PACS1: variants seen among roughly 807,000 people sequenced by gnomAD.
PACS1 encodes the protein phosphofurin acidic cluster sorting protein 1.
A neutral mutation model predicts 115.0 loss-of-function variants in PACS1; 24 were observed. The observed-to-expected ratio is 0.21, with a 90% CI of 0.15 to 0.29. The LOEUF (loss-of-function observed/expected upper bound fraction) is 0.29. PACS1 is among the 10% of genes least tolerant of loss of function. The probability of loss-of-function intolerance (pLI) is 1.00; values close to 1 mark genes in which losing one functional copy is unlikely to be tolerated. For synonymous variants in PACS1, 453 were observed against 504.5 expected (o/e 0.90, Z 1.37); for missense variants, 838 against 1,251.2 (o/e 0.67, Z 4.98).
Position 66,242,942 on chromosome 11 carries a change from G to A in PACS1, c.2687G>A (p.Arg896Gln). 4 of 1,613,974 alleles carry A rather than the reference G, an allele frequency of 2.5e-6. No individual in the cohort carries two copies. The highest frequency in any genetic ancestry group is 3.4e-6 in the Non-Finnish European group (4 of 1,179,946). Residue 896 changes from arginine to glutamine, a missense_variant, in exon 23 of 24, where the codon CGA (arginine) becomes CAA (glutamine). Physicochemically the swap from Arg to Gln is conservative, Grantham distance 43 (BLOSUM62 1). Coordinates refer to ENST00000320580, the MANE Select transcript of PACS1 (RefSeq NM_018026.4). ...ACCATCTTCCTGAGCAAGAAACCCC[G>A]AGAAAAGGAGGTGGATTCTAAGAGC... ...VPTIFLSKKP[R>Q]EKEVDSKSQV...
intron 1 of PACS1, among the ~76,000 whole-genome samples, chr11:66,184,990 TGAG>T (rs1031917546): frequency 6.6e-6 from 1 of 152,088 alleles, no homozygotes; most frequent in African/African-American, 2.4e-5. Context: ...AGAAATGGCT[TGAG>T]GTGCAGGGAA....
chr11:66,148,128 A>T (rs1565124501), intron 1 of PACS1, among the ~76,000 whole-genome samples: 1 of 152,190 alleles, frequency 6.6e-6, no homozygotes, highest in Non-Finnish European at 1.5e-5. Context: ...GGCAGTAGCC[A>T]TTAAAAATGT....
At chr11:66,211,097 C>T in intron 3 of PACS1, 37 bp from the exon 4 acceptor site, 1 of 1,610,492 alleles carries the variant, frequency 6.2e-7, no homozygotes, top group Non-Finnish European at 8.5e-7. Flanking sequence ...ACCCAGCTGC[C>T]CATTAACCAC....
At chr11:66,142,121 T>C (rs756607724) in intron 1 of PACS1, among the ~76,000 whole-genome samples, 10 of 152,002 alleles carry the variant, frequency 6.6e-5, no homozygotes, top group Non-Finnish European at 1.0e-4. Flanking sequence ...GAGATGCAGT[T>C]TTGATATGTT....
At chr11:66,197,881 C>T (rs1854683900) in intron 2 of PACS1, among the ~76,000 whole-genome samples, 1 of 152,200 alleles carries the variant, frequency 6.6e-6, no homozygotes, top group Non-Finnish European at 1.5e-5. Context: ...CTGTATATCA[C>T]TTTGCGTCTG....
intron 1 of PACS1, among the ~76,000 whole-genome samples, chr11:66,133,821 T>C (rs1403190983): frequency 2.6e-5 from 4 of 152,300 alleles, no homozygotes; most frequent in African/African-American, 7.2e-5. Context: ...TTTTGTTAAA[T>C]GTACCTTAAA....
chr11:66,236,267 G>A lies in PACS1; in HGVS notation c.2250+327G>A, dbSNP rs186110578. 6.6e-6 allele frequency among the ~76,000 whole-genome samples: 1 copy of A among 152,268 alleles called. No individual in the cohort carries two copies. Among genetic ancestry groups the A allele is most frequent in the Non-Finnish European group, 1.5e-5 (1 of 68,016 alleles). On this transcript the variant is annotated intron_variant, in intron 19 of 23. Transcript: ENST00000320580. The surrounding 1 kb of genome is among the most constrained non-coding windows in gnomAD (Gnocchi z 4.2). ...GATTGGGCTGTCCCTTTTAGTGTCC[G>A]CCTTTTCCAAATCACGAACTGTTCC... is the stretch of plus-strand genomic sequence containing the variant.
At chr11:66,146,034 A>G (rs567651864) in intron 1 of PACS1, among the ~76,000 whole-genome samples, 1 of 152,276 alleles carries the variant, frequency 6.6e-6, no homozygotes, top group Admixed American at 6.5e-5. Context: ...GCTACAATAT[A>G]TTATCTAAAA....
intron 13 of PACS1, chr11:66,231,826 G>T: frequency 4.0e-6 from 1 of 250,144 alleles, no homozygotes; most frequent in Non-Finnish European, 7.8e-6. Context: ...GCCGCCCTCT[G>T]CCTCTCCCTT....
At chr11:66,162,414 G>T (rs144381020) in intron 1 of PACS1, among the ~76,000 whole-genome samples, 1 of 152,226 alleles carries the variant, frequency 6.6e-6, no homozygotes, top group African/African-American at 2.4e-5. Flanking sequence ...GAGCCACCGC[G>T]CCTGGCCTGA....
intron 1 of PACS1, among the ~76,000 whole-genome samples, chr11:66,178,944 C>G (rs1244888071): frequency 6.6e-6 from 1 of 152,206 alleles, no homozygotes; most frequent in South Asian, 2.1e-4. Flanking sequence ...CACACTATCA[C>G]ACTTAAAGAA....
chr11:66,201,232 G>A (rs1854786803), intron 2 of PACS1, among the ~76,000 whole-genome samples: 1 of 151,210 alleles, frequency 6.6e-6, no homozygotes, highest in Admixed American at 6.6e-5. Flanking sequence ...AAAAAAAAAA[G>A]TTGAAATAAT....
intron 1 of PACS1, among the ~76,000 whole-genome samples, chr11:66,172,002 C>G (rs1859752029): frequency 6.6e-6 from 1 of 152,200 alleles, no homozygotes; most frequent in Non-Finnish European, 1.5e-5. Flanking sequence ...CCATTCTCTT[C>G]TGAAACAATT....
At chr11:66,127,377 G>C (rs531297300) in intron 1 of PACS1, among the ~76,000 whole-genome samples, 31 of 152,170 alleles carry the variant, frequency 2.0e-4, no homozygotes, top group Non-Finnish European at 3.5e-4. Context: ...AAGTGGAAAG[G>C]ATCCTGACTC....
intron 1 of PACS1, among the ~76,000 whole-genome samples, chr11:66,187,159 G>A (rs1854400794): frequency 6.6e-6 from 1 of 152,128 alleles, no homozygotes; most frequent in Non-Finnish European, 1.5e-5. Context: ...GAGTGGAGCT[G>A]CTTTGAACCT....
At chr11:66,237,204 C>G (rs1855722364) in intron 19 of PACS1, among the ~76,000 whole-genome samples, 2 of 151,894 alleles carry the variant, frequency 1.3e-5, no homozygotes, top group South Asian at 4.2e-4. Context: ...GGCTTGAGCC[C>G]CTGTGCACGG....
rs202231158 is a variant in PACS1 at position 66,241,590 on chromosome 11, G to C, written c.2593G>C (p.Gly865Arg). The C allele has an allele frequency of 1.1e-4, 180 of 1,614,054 alleles. No individual in the cohort carries two copies. Among genetic ancestry groups the C allele is most frequent in the Admixed American group, 2.2e-4 (13 of 60,006 alleles). The change falls in exon 22 of 24, where the codon GGG becomes CGG. Residue 865 changes from glycine (G) to arginine (R), a missense_variant. Around this residue, in one of 6 missense-constraint regions of PACS1, gnomAD observed 84 missense variants for 187.1 expected, o/e 0.45. Coordinates refer to ENST00000320580, the MANE Select transcript of PACS1 (RefSeq NM_018026.4). Reference sequence around the variant, plus strand: ...GCAGGTGTCCCGCCTGCCCCATAGTGGGGAGGCCCAGCTTTCTGGCACCAT... The same window carrying C: ...GCAGGTGTCCCGCCTGCCCCATAGTCGGGAGGCCCAGCTTTCTGGCACCAT... The part of the protein sequence containing the change: ...SVQVSRLPHS[G>R]EAQLSGTMAM...
At chr11:66,209,204 C>CA (rs1855015142) in intron 2 of PACS1, among the ~76,000 whole-genome samples, 2 of 150,898 alleles carry the variant, frequency 1.3e-5, no homozygotes. Flanking sequence ...GTTCAGAAGC[C>CA]AAAAAAAGCA....
chr11:66,170,987 T>C (rs909909288), intron 1 of PACS1, among the ~76,000 whole-genome samples: 2 of 150,022 alleles, frequency 1.3e-5, no homozygotes, highest in Non-Finnish European at 2.9e-5. Flanking sequence ...AAACATTCTA[T>C]GTATGTTTGA....
Sources: gnomAD v4.1 joint callset for allele counts (sites outside exome capture counted in the v4.1 genomes callset) on GRCh38, gnomAD v4.1.1 for gene constraint, gnomAD v4.1.1 regional missense constraint, Gnocchi (gnomAD v3.1) non-coding constraint, MANE v1.5 for transcripts, NCBI Gene and HGNC (gene_info 2026-07-23, HGNC 2026-07-21) for gene names.